Variants in LLPH observed in about 807,000 individuals in gnomAD.
LLPH encodes LLP homolog, long-term synaptic facilitation factor.
Under a neutral mutation model 13.3 loss-of-function variants are expected in LLPH, and 5 were observed. The observed-to-expected ratio is 0.38, with a 90% confidence interval of 0.20 to 0.79. LLPH has a LOEUF of 0.79. Ranked by LOEUF, LLPH falls within the 30% of genes least tolerant of loss-of-function variation. The probability of loss-of-function intolerance (pLI) is 0.45; values close to 1 mark genes in which losing one functional copy is unlikely to be tolerated. For synonymous variants in LLPH, 32 were observed against 44.2 expected (o/e 0.72, Z 1.09); for missense variants, 129 against 152.1 (o/e 0.85, Z 0.80).
intron 2 of LLPH, among the ~76,000 whole-genome samples, chr12:66,124,741 A>T (rs1368958779): frequency 6.6e-6 from 1 of 152,210 alleles, no homozygotes; most frequent in East Asian, 1.9e-4. Context: ...AGTATCTAGA[A>T]TAGTGTCTGG....
intron 1 of LLPH, among the ~76,000 whole-genome samples, chr12:66,129,586 C>T (rs1407462914): frequency 6.6e-6 from 1 of 152,030 alleles, no homozygotes; most frequent in Non-Finnish European, 1.5e-5. Context: ...GGGTTTTCAC[C>T]GTGTTAGCCA....
rs1458405609 is a variant in LLPH at position 66,123,371 on chromosome 12, T to A, written c.*469A>T. ...TCTCGAACTGACCTCGTGATCCACCTGCCTCGGCCTCCCAAAGTGCTGGGA... is the reference window on the plus strand; with the variant it reads ...TCTCGAACTGACCTCGTGATCCACCAGCCTCGGCCTCCCAAAGTGCTGGGA... On this transcript the variant is annotated 3_prime_UTR_variant, in exon 3 of 3. Coordinates refer to ENST00000266604, the MANE Select transcript of LLPH (RefSeq NM_032338.4). 1 of 155,160 alleles carries A rather than the reference T, an allele frequency of 6.4e-6. No individual in the cohort carries two copies. Among genetic ancestry groups the A allele is most frequent in the Non-Finnish European group, 1.4e-5 (1 of 70,240 alleles). 9.6% of individuals were successfully genotyped at this position (155,160 alleles called of 1,614,324 possible). A position where few individuals can be genotyped will look rare whatever the true frequency, so the allele number is the denominator to read the frequency against.
rs114298904 is a variant in LLPH, at chr12:66,129,709, T to A, written c.-7-596A>T. Among the ~76,000 whole-genome samples the A allele has an allele frequency of 8.1e-3, 1,236 of 152,282 alleles. 25 individuals carry two copies. Among genetic ancestry groups the A allele is most frequent in the African/African-American group, 0.029 (1,184 of 41,532 alleles). On this transcript the variant is annotated intron_variant, in intron 1 of 2. Coordinates refer to ENST00000266604, the MANE Select transcript of LLPH (RefSeq NM_032338.4). Reference sequence around the variant, plus strand: ...TGAATTTCTTTACAAAATACAGAAATTTAATTTCCCCAGAATGCAACAGCG... The same window carrying A: ...TGAATTTCTTTACAAAATACAGAAAATTAATTTCCCCAGAATGCAACAGCG...
chr12:66,130,271 C>A (rs1453569097), intron 1 of LLPH, among the ~76,000 whole-genome samples: 1 of 152,186 alleles, frequency 6.6e-6, no homozygotes, highest in African/African-American at 2.4e-5. Flanking sequence ...CCGACCCTCT[C>A]CCCAGACTGT....
At chr12:66,129,417 G>C (rs1006752160) in intron 1 of LLPH, among the ~76,000 whole-genome samples, 1 of 147,874 alleles carries the variant, frequency 6.8e-6, no homozygotes, top group East Asian at 2.0e-4. Context: ...ACAGAGTCTT[G>C]TTCTGTGTCC....
intron 2 of LLPH, among the ~76,000 whole-genome samples, chr12:66,128,382 C>A (rs535348613): frequency 6.6e-6 from 1 of 152,084 alleles, no homozygotes; most frequent in African/African-American, 2.4e-5. Flanking sequence ...CACAAAGGTT[C>A]CTAGAATCTG....
At chr12:66,125,957 T>C (rs939537545) in intron 2 of LLPH, among the ~76,000 whole-genome samples, 1 of 152,298 alleles carries the variant, frequency 6.6e-6, no homozygotes, top group Middle Eastern at 3.4e-3. Flanking sequence ...TAGGAGAAGA[T>C]ATATGCCCAT....
intron 2 of LLPH, among the ~76,000 whole-genome samples, chr12:66,126,336 TA>T (rs531403309): frequency 1.4e-4 from 19 of 131,692 alleles, no homozygotes; most frequent in South Asian, 2.3e-4. Context: ...AAAAAAAAAG[TA>T]AAAAAAAAAA....
At position 66,120,802 on chromosome 12, in the gene LLPH, A is replaced by G. The variant is rs527918697; in HGVS notation, c.*3038T>C. 6.6e-6 allele frequency: 1 copy of G among 152,360 alleles called. No homozygotes were observed. Among genetic ancestry groups the G allele is most frequent in the African/African-American group, 2.4e-5 (1 of 41,586 alleles). 9.4% of individuals were successfully genotyped at this position (152,360 alleles called of 1,614,324 possible). A position where few individuals can be genotyped will look rare whatever the true frequency, so the allele number is the denominator to read the frequency against. On this transcript the variant is annotated 3_prime_UTR_variant, in exon 3 of 3. Transcript: ENST00000266604. ...TACTTCTCGATTTGTAATCTTTAAAAATAAAGTGCCAAAGATGTGACCATA... is the reference window on the plus strand; with the variant it reads ...TACTTCTCGATTTGTAATCTTTAAAGATAAAGTGCCAAAGATGTGACCATA...
chr12:66,124,628 A>G (rs531255377), intron 2 of LLPH, among the ~76,000 whole-genome samples: 2 of 152,320 alleles, frequency 1.3e-5, no homozygotes, highest in Admixed American at 1.3e-4. Context: ...ACTGTGAAGG[A>G]CATGCTCAGA....
At position 66,120,906 on chromosome 12, in the gene LLPH, C is replaced by A. The variant is rs1051406624; in HGVS notation, c.*2934G>T. 6.6e-6 allele frequency: 1 copy of A among 152,180 alleles called. No individual in the cohort carries two copies. The highest frequency in any genetic ancestry group is 2.4e-5 in the African/African-American group (1 of 41,436). 9.4% of individuals were successfully genotyped at this position (152,180 alleles called of 1,614,324 possible). The stretch of plus-strand genomic sequence containing the variant: ...TGGGGAGAATCTTGCTGGTAGTGTT[C>A]AGGAACTCAGTGCCTTAGAGGGTAC... On this transcript the variant is annotated 3_prime_UTR_variant, in exon 3 of 3. Coordinates refer to ENST00000266604, the MANE Select transcript of LLPH (RefSeq NM_032338.4).
At chr12:66,127,728 A>G (rs2051506311) in intron 2 of LLPH, among the ~76,000 whole-genome samples, 1 of 152,244 alleles carries the variant, frequency 6.6e-6, no homozygotes, top group Non-Finnish European at 1.5e-5. Flanking sequence ...AGGAAATGAA[A>G]ACAGCAAGTG....
At position 66,129,000 on chromosome 12, in the gene LLPH, T is replaced by C; in HGVS notation, c.107A>G (p.Asp36Gly). 6.2e-7 allele frequency: 1 copy of C among 1,612,354 alleles called. No individual in the cohort carries two copies. Among genetic ancestry groups the C allele is most frequent in the Non-Finnish European group, 8.5e-7 (1 of 1,178,442 alleles). Residue 36 changes from aspartate (D) to glycine (G), a missense_variant, in exon 2 of 3, where the codon GAC becomes GGC. Physicochemically the swap from Asp to Gly is moderately conservative, Grantham distance 94. Transcript: ENST00000266604. ...AACATCTTTCATTAAAACATCACCGTCTAGTTTGAGAATACTTTTAAGCCT... is the reference window on the plus strand; with the variant it reads ...AACATCTTTCATTAAAACATCACCGCCTAGTTTGAGAATACTTTTAAGCCT... ...ASRLKSILKL[D>G]GDVLMKDVQE...
intron 1 of LLPH, among the ~76,000 whole-genome samples, chr12:66,130,072 G>C (rs539822792): frequency 5.9e-5 from 9 of 152,100 alleles, no homozygotes; most frequent in South Asian, 2.1e-4. Context: ...CACCAACTAC[G>C]TCTGTAAAGA....
At position 66,117,281 on chromosome 12, in the gene LLPH, T is replaced by C. The variant is rs980000955; in HGVS notation, c.*6559A>G. 1.3e-5 allele frequency: 2 copies of C among 152,206 alleles called. No individual in the cohort carries two copies. The highest frequency in any genetic ancestry group is 1.5e-5 in the Non-Finnish European group (1 of 68,042). 9.4% of individuals were successfully genotyped at this position (152,206 alleles called of 1,614,324 possible). ...TTCCCTAAATACAGTATAACAACTA[T>C]TTACATAGCATTTTCATTGTATTAT... On this transcript the variant is annotated 3_prime_UTR_variant, in exon 3 of 3. Transcript: ENST00000266604.
At position 66,123,808 on chromosome 12, in the gene LLPH, T is replaced by C. The variant is rs775036898; in HGVS notation, c.*32A>G. On this transcript the variant is annotated 3_prime_UTR_variant, in exon 3 of 3. Coordinates refer to ENST00000266604, the MANE Select transcript of LLPH (RefSeq NM_032338.4). ...TGTATACATTCTAATCCGTCATCTA[T>C]CCCATGTGGCATTTTCCAAGGTTTT... The C allele has an allele frequency of 3.1e-6, 5 of 1,607,998 alleles. No homozygotes were observed. The South Asian group carries it at 5.5e-5, about 18-fold the overall frequency.
chr12:66,128,834 A>G, intron 2 of LLPH, 62 bp downstream of exon 2: 3 of 1,159,018 alleles, frequency 2.6e-6, no homozygotes, highest in Non-Finnish European at 3.8e-6. Context: ...TGACAGAGGA[A>G]GGAGACCCTG....
In LLPH at chr12:66,129,299, G is replaced by T. The variant is rs528329777; in HGVS notation, c.-7-186C>A. ...TGAAGATCAACATGGTACATACACAGTCACTAAATAACAAGATATCAAATC... is the reference window on the plus strand; with the variant it reads ...TGAAGATCAACATGGTACATACACATTCACTAAATAACAAGATATCAAATC... On this transcript the variant is annotated intron_variant, in intron 1 of 2. Transcript: ENST00000266604. 4.6e-5 allele frequency among the ~76,000 whole-genome samples: 7 copies of T among 152,158 alleles called. No individual in the cohort carries two copies. In the East Asian group the frequency reaches 9.7e-4, roughly 21 times the overall value.
At chr12:66,126,254 A>G (rs2051495755) in intron 2 of LLPH, among the ~76,000 whole-genome samples, 1 of 150,942 alleles carries the variant, frequency 6.6e-6, no homozygotes. Flanking sequence ...AACCCGGGAG[A>G]TGGAGCTTGC....
Sources: allele counts gnomAD v4.1 joint callset (sites outside exome capture counted in the v4.1 genomes callset), GRCh38; gene constraint gnomAD v4.1.1; transcripts MANE v1.5; gene names NCBI Gene and HGNC (gene_info 2026-07-23, HGNC 2026-07-21).